Variants in THSD7A observed in about 807,000 individuals in gnomAD.
THSD7A encodes thrombospondin type-1 domain-containing protein 7A.
In THSD7A, 96 loss-of-function variants were observed where a neutral mutation model predicts 231.3. The ratio of observed to expected loss-of-function variants is 0.41; its 90% CI spans 0.35 to 0.49. The LOEUF (loss-of-function observed/expected upper bound fraction) is 0.49, where lower values mean the gene tolerates loss of function less well. THSD7A is among the 20% of genes least tolerant of loss of function. The pLI is 0.05. For synonymous variants in THSD7A, 940 were observed against 743.3 expected (o/e 1.26, Z -4.30); for missense variants, 2,290 against 2,070.2 (o/e 1.11, Z -2.06).
intron 1 of THSD7A, among the ~76,000 whole-genome samples, chr7:11,784,594 C>A (rs556837733): frequency 4.6e-5 from 7 of 151,806 alleles, no homozygotes; most frequent in Admixed American, 3.9e-4. Flanking sequence ...ACTATTTTTT[C>A]TAGGTTTATT....
chr7:11,767,181 G>GT (rs1783056956), intron 1 of THSD7A, among the ~76,000 whole-genome samples: 1 of 152,090 alleles, frequency 6.6e-6, no homozygotes, highest in Non-Finnish European at 1.5e-5. Flanking sequence ...TACATTCATT[G>GT]TTTTTTGGGG....
At chr7:11,796,479 G>T (rs1411258542) in intron 1 of THSD7A, among the ~76,000 whole-genome samples, 1 of 151,758 alleles carries the variant, frequency 6.6e-6, no homozygotes, top group East Asian at 1.9e-4. Flanking sequence ...AATTTGAAAA[G>T]AATTTTTATT....
chr7:11,757,376 G>A (rs567318437), intron 1 of THSD7A, among the ~76,000 whole-genome samples: 2 of 151,838 alleles, frequency 1.3e-5, no homozygotes, highest in Non-Finnish European at 2.9e-5. Context: ...CAAATGTTAA[G>A]GCATTTAGCA....
Position 11,406,506 on chromosome 7 carries a change from A to AAAGAG in THSD7A, c.4063-37_4063-33dup. ...TGGAGGAAGAAATAACTAATTAGAAAAAGAGAAATACTTCATTAGAGAGCT... is the reference window on the plus strand; with the variant it reads ...TGGAGGAAGAAATAACTAATTAGAAAAAGAGAAGAGAAATACTTCATTAGAGAGCT... On this transcript the variant is annotated intron_variant, in intron 21 of 27. Coordinates refer to ENST00000423059, the MANE Select transcript of THSD7A (RefSeq NM_015204.3). The surrounding 1 kb of genome is among the most constrained non-coding windows in gnomAD (Gnocchi z 4.7). 6.4e-7 allele frequency: 1 copy of AAAGAG among 1,568,860 alleles called. No individual in the cohort carries two copies. The highest frequency in any genetic ancestry group is 8.6e-7 in the Non-Finnish European group (1 of 1,157,894).
intron 1 of THSD7A, among the ~76,000 whole-genome samples, chr7:11,717,036 A>T (rs1781162323): frequency 6.6e-6 from 1 of 151,620 alleles, no homozygotes. Context: ...CACTTCCCCA[A>T]GAGTTCCATT....
chr7:11,660,903 G>C (rs1232905571), intron 1 of THSD7A, among the ~76,000 whole-genome samples: 2 of 151,420 alleles, frequency 1.3e-5, no homozygotes, highest in East Asian at 3.9e-4. Flanking sequence ...TAAAACAACA[G>C]AGACATATTA....
At chr7:11,716,630 G>A (rs953238582) in intron 1 of THSD7A, among the ~76,000 whole-genome samples, 2 of 151,426 alleles carry the variant, frequency 1.3e-5, no homozygotes. Flanking sequence ...TATACAGTAG[G>A]GGTTTTTTTA....
At chr7:11,696,616 A>T (rs1780409847) in intron 1 of THSD7A, among the ~76,000 whole-genome samples, 1 of 151,206 alleles carries the variant, frequency 6.6e-6, no homozygotes, top group Admixed American at 6.6e-5. Flanking sequence ...GCCCCGCCAA[A>T]TCATGAGTGA....
intron 6 of THSD7A, among the ~76,000 whole-genome samples, chr7:11,533,444 T>C (rs1788786959): frequency 6.6e-6 from 1 of 152,178 alleles, no homozygotes; most frequent in Non-Finnish European, 1.5e-5. Context: ...GCTGGATACA[T>C]ATATTTATTG....
chr7:11,680,092 T>G (rs1366406891), intron 1 of THSD7A, among the ~76,000 whole-genome samples: 6 of 147,210 alleles, frequency 4.1e-5, no homozygotes, highest in Non-Finnish European at 7.6e-5. Context: ...AAAAAAAAAG[T>G]AATGGGGAAA....
chr7:11,560,780 C>A (rs62434475), intron 4 of THSD7A, among the ~76,000 whole-genome samples: 2 of 146,472 alleles, frequency 1.4e-5, no homozygotes, highest in Non-Finnish European at 3.0e-5. Flanking sequence ...TGCTCAACTA[C>A]GGGTGTGTTC....
chr7:11,475,515 G>T (rs1276461827), intron 7 of THSD7A, among the ~76,000 whole-genome samples: 1 of 150,794 alleles, frequency 6.6e-6, no homozygotes, highest in African/African-American at 2.4e-5. Flanking sequence ...TGGGAGAATG[G>T]GGAAGTGATG....
At chr7:11,416,822 G>T (rs559696170) in intron 17 of THSD7A, among the ~76,000 whole-genome samples, 178 of 152,254 alleles carry the variant, frequency 1.2e-3, no homozygotes, top group African/African-American at 4.1e-3. Flanking sequence ...TCGTGGATGA[G>T]CCCCTACTGG....
intron 6 of THSD7A, among the ~76,000 whole-genome samples, chr7:11,511,272 C>G (rs929143742): frequency 2.2e-4 from 34 of 151,810 alleles, no homozygotes; most frequent in African/African-American, 3.1e-4. Context: ...CACTGCTCAA[C>G]GAAATAAAAG....
In THSD7A at chr7:11,425,461, C is replaced by A. The variant is rs78794928; in HGVS notation, c.3250-632G>T. Reference sequence around the variant, plus strand: ...CAAAGTCTGATATTGGTGTACAAGCCCAAGCAGTGAGGGCCACATGAAACA... The same window carrying A: ...CAAAGTCTGATATTGGTGTACAAGCACAAGCAGTGAGGGCCACATGAAACA... On this transcript the variant is annotated intron_variant, in intron 15 of 27. Coordinates refer to ENST00000423059, the MANE Select transcript of THSD7A (RefSeq NM_015204.3). Among the ~76,000 whole-genome samples the A allele has an allele frequency of 6.1e-4, 93 of 151,926 alleles. 1 individual carries two copies. The East Asian group carries it at 0.017, about 27-fold the overall frequency.
At chr7:11,821,267 G>GT in intron 1 of THSD7A, 1 of 1,068,342 alleles carries the variant, frequency 9.4e-7, no homozygotes, top group East Asian at 2.4e-5. Flanking sequence ...TGAGCTGACT[G>GT]TATGTGCTGG....
chr7:11,765,840 T>C (rs1783013867), intron 1 of THSD7A, among the ~76,000 whole-genome samples: 1 of 152,096 alleles, frequency 6.6e-6, no homozygotes, highest in African/African-American at 2.4e-5. Flanking sequence ...ATAAATCCAA[T>C]TTTCCTTAAA....
intron 6 of THSD7A, among the ~76,000 whole-genome samples, chr7:11,503,442 G>A (rs1441141111): frequency 1.3e-5 from 2 of 152,114 alleles, no homozygotes; most frequent in Admixed American, 1.3e-4. Context: ...CACAACAAAA[G>A]CAAACATTGA....
intron 27 of THSD7A, 44 bp from the exon 28 acceptor site, chr7:11,375,922 A>G (rs751391214): frequency 6.3e-7 from 1 of 1,581,362 alleles, no homozygotes; most frequent in Non-Finnish European, 8.7e-7. Context: ...TCAGTTTCTA[A>G]TTGTAAATTT....
Sources: allele counts gnomAD v4.1 joint callset (sites outside exome capture counted in the v4.1 genomes callset), GRCh38; gene constraint gnomAD v4.1.1; non-coding constraint Gnocchi (gnomAD v3.1); transcripts MANE v1.5; gene names NCBI Gene and HGNC (gene_info 2026-07-23, HGNC 2026-07-21).